HS6ST2: variants seen among roughly 807,000 people sequenced by gnomAD.
HS6ST2 encodes the protein heparan sulfate 6-O-sulfotransferase 2, also known as heparan-sulfate 6-O-sulfotransferase 2.
Under a neutral mutation model 33.0 loss-of-function variants are expected in HS6ST2, and 17 were observed. The observed-to-expected ratio is 0.52, with a 90% confidence interval of 0.35 to 0.77. The LOEUF (loss-of-function observed/expected upper bound fraction) is 0.77. HS6ST2 is among the 30% of genes least tolerant of loss of function. HS6ST2 has a pLI of 0.01. For missense variants in HS6ST2, 519 were observed against 551.7 expected (o/e 0.94, Z 0.59); for synonymous variants, 248 against 237.1 (o/e 1.05, Z -0.42).
At chrX:132,946,731 C>G (rs915878864) in intron 2 of HS6ST2, among the ~76,000 whole-genome samples, 1 of 111,730 alleles carries the variant, frequency 9.0e-6, no homozygotes, top group Non-Finnish European at 1.9e-5. Flanking sequence ...TAAACCTGCA[C>G]GTTGTGCACA....
intron 2 of HS6ST2, among the ~76,000 whole-genome samples, chrX:132,874,720 A>G (rs1445101441): frequency 1.8e-5 from 2 of 112,042 alleles, no homozygotes; most frequent in Admixed American, 9.4e-5. Flanking sequence ...GAAGTCTCTC[A>G]TGGTTCCTTG....
chrX:132,800,762 TC>T (rs1385465475), intron 2 of HS6ST2, among the ~76,000 whole-genome samples: 2 of 111,668 alleles, frequency 1.8e-5, no homozygotes, highest in Non-Finnish European at 3.8e-5. Flanking sequence ...CCCACCCAAA[TC>T]TCATCTCAAA....
At chrX:132,717,337 C>T (rs1188427730) in intron 2 of HS6ST2, among the ~76,000 whole-genome samples, 1 of 112,643 alleles carries the variant, frequency 8.9e-6, no homozygotes, top group Non-Finnish European at 1.9e-5. Context: ...GTTCATATCC[C>T]AGCTCTCCTA....
At chrX:132,777,582 C>T (rs188119847) in intron 2 of HS6ST2, among the ~76,000 whole-genome samples, 3,492 of 102,527 alleles carry the variant, frequency 0.034, 96 homozygotes, top group African/African-American at 0.091. Context: ...AGGCATGCCA[C>T]CACCACACCC....
intron 4 of HS6ST2, among the ~76,000 whole-genome samples, chrX:132,649,405 T>C (rs1346911761): frequency 2.7e-5 from 3 of 112,398 alleles, no homozygotes; most frequent in Non-Finnish European, 5.6e-5. Flanking sequence ...TGTGATTTCC[T>C]TCTGGAATAA....
chrX:132,632,525 G>A (rs2063525495), intron 4 of HS6ST2, among the ~76,000 whole-genome samples: 1 of 110,442 alleles, frequency 9.1e-6, no homozygotes, highest in Admixed American at 9.6e-5. Context: ...CAGAGACATG[G>A]CCAGTTTTCC....
At chrX:132,841,704 A>G (rs908917455) in intron 2 of HS6ST2, among the ~76,000 whole-genome samples, 2 of 112,211 alleles carry the variant, frequency 1.8e-5, no homozygotes, top group Admixed American at 1.9e-4. Flanking sequence ...AAAAGGTGAA[A>G]AAAGCAAGCA....
intron 2 of HS6ST2, among the ~76,000 whole-genome samples, chrX:132,746,214 G>A (rs1001162111): frequency 7.2e-5 from 8 of 111,395 alleles, no homozygotes; most frequent in Non-Finnish European, 1.5e-4. Flanking sequence ...TGTGGTTTTT[G>A]CCATTAAAAG....
chrX:132,840,115 CA>C (rs895216543), intron 2 of HS6ST2, among the ~76,000 whole-genome samples: 2 of 107,548 alleles, frequency 1.9e-5, no homozygotes, highest in African/African-American at 6.8e-5. Flanking sequence ...GACTCTGTCT[CA>C]AAAAAAAATA....
intron 2 of HS6ST2, among the ~76,000 whole-genome samples, chrX:132,837,602 G>C (rs1303944579): frequency 9.0e-6 from 1 of 111,560 alleles, no homozygotes; most frequent in Non-Finnish European, 1.9e-5. Flanking sequence ...CTGTGAAACA[G>C]TCCTTATTGT....
At chrX:132,847,598 C>T (rs1470249036) in intron 2 of HS6ST2, among the ~76,000 whole-genome samples, 3 of 111,560 alleles carry the variant, frequency 2.7e-5, no homozygotes, top group South Asian at 3.8e-4. Context: ...AGTATAAAGA[C>T]GGAGATCATC....
chrX:132,831,476 C>T (rs749077707), intron 2 of HS6ST2, among the ~76,000 whole-genome samples: 5 of 111,284 alleles, frequency 4.5e-5, no homozygotes, highest in Admixed American at 9.6e-5. Flanking sequence ...GGACTAGCAA[C>T]GTGCGGGCCT....
At chrX:132,765,408 G>A (rs2064837580) in intron 2 of HS6ST2, among the ~76,000 whole-genome samples, 3 of 80,937 alleles carry the variant, frequency 3.7e-5, no homozygotes, top group African/African-American at 1.5e-4. Flanking sequence ...TGTAGACTTT[G>A]TGTGTGTGCA....
intron 2 of HS6ST2, among the ~76,000 whole-genome samples, chrX:132,827,104 C>T (rs2148383535): frequency 8.9e-6 from 1 of 111,772 alleles, no homozygotes; most frequent in African/African-American, 3.2e-5. Context: ...AGCAACTGGG[C>T]ATTTCCTAAG....
At chrX:132,694,643 A>G (rs2064089728) in intron 3 of HS6ST2, among the ~76,000 whole-genome samples, 1 of 111,289 alleles carries the variant, frequency 9.0e-6, no homozygotes, top group Non-Finnish European at 1.9e-5. Flanking sequence ...TGGTTAGACA[A>G]GACTGTAGGG....
In HS6ST2 at chrX:132,626,696, T is replaced by C. The variant is rs1017558851; in HGVS notation, c.*1527A>G. 9.8e-5 allele frequency: 11 copies of C among 112,306 alleles called. No individual in the cohort carries two copies. The highest frequency in any genetic ancestry group is 3.6e-4 in the African/African-American group (11 of 30,899). The allele number at this position is 112,306 out of a possible 1,213,427, so 9.3% of individuals were successfully genotyped here. ...TAAATGCCACTTTCAGTCACCTTGT[T>C]TGATTTACAGCCAGGAGGTTAGTGT... is the stretch of plus-strand genomic sequence containing the variant. On this transcript the variant is annotated 3_prime_UTR_variant, in exon 5 of 5. Coordinates refer to ENST00000370833, the MANE Select transcript of HS6ST2 (RefSeq NM_001394073.1).
chrX:132,640,273 T>A (rs907776201), intron 4 of HS6ST2, among the ~76,000 whole-genome samples: 4 of 109,451 alleles, frequency 3.7e-5, no homozygotes, highest in African/African-American at 1.3e-4. Context: ...GAGAAATGAG[T>A]GGGGAGAAGA....
At chrX:132,877,342 G>A in intron 2 of HS6ST2, among the ~76,000 whole-genome samples, 1 of 112,573 alleles carries the variant, frequency 8.9e-6, no homozygotes, top group Non-Finnish European at 1.9e-5. Context: ...TGTACTACGT[G>A]TGTTTGCACT....
intron 2 of HS6ST2, among the ~76,000 whole-genome samples, chrX:132,831,596 G>C (rs1323380532): frequency 9.0e-6 from 1 of 111,604 alleles, no homozygotes; most frequent in African/African-American, 3.3e-5. Context: ...TTTGGAAATG[G>C]TTCTCATCTA....
Sources: gnomAD v4.1 joint callset for allele counts (sites outside exome capture counted in the v4.1 genomes callset) on GRCh38, gnomAD v4.1.1 for gene constraint, MANE v1.5 for transcripts, NCBI Gene and HGNC (gene_info 2026-07-23, HGNC 2026-07-21) for gene names.